Variants in CHD6 observed in about 807,000 individuals in gnomAD.
CHD6 encodes the protein chromodomain helicase DNA binding protein 6, also known as ATP-dependent chromatin remodeler CHD6.
Under a neutral mutation model 276.9 loss-of-function variants are expected in CHD6, and 50 were observed. The ratio of observed to expected loss-of-function variants is 0.18; its 90% CI spans 0.14 to 0.23. The LOEUF is 0.23. Among genes scored for constraint, CHD6 ranks in the 10% least tolerant of loss-of-function variants. The pLI is 1.00. For synonymous variants in CHD6, 1,173 were observed against 1,229.3 expected, an observed-to-expected ratio of 0.95 and a Z score of 0.96; for missense variants, 2,564 against 3,365.8, an observed-to-expected ratio of 0.76 and a Z score of 5.89.
intron 2 of CHD6, chr20:41,547,756 C>T: frequency 1.8e-6 from 1 of 542,792 alleles, no homozygotes; most frequent in East Asian, 4.9e-5. Context: ...ATTGTCAACA[C>T]TGCTCGACAG....
At chr20:41,428,688 T>C (rs991428105) in intron 27 of CHD6, among the ~76,000 whole-genome samples, 3 of 152,200 alleles carry the variant, frequency 2.0e-5, no homozygotes, top group South Asian at 2.1e-4. Flanking sequence ...GGAAAGCAGA[T>C]ATACCTCAAA....
intron 2 of CHD6, among the ~76,000 whole-genome samples, chr20:41,540,329 T>G (rs1027760727): frequency 3.3e-5 from 5 of 152,238 alleles, no homozygotes; most frequent in African/African-American, 4.8e-5. Context: ...AAAATGTTAA[T>G]AGTAATCATC....
At chr20:41,568,149 T>C (rs570710165) in intron 1 of CHD6, among the ~76,000 whole-genome samples, 6 of 124,018 alleles carry the variant, frequency 4.8e-5, no homozygotes, top group African/African-American at 1.5e-4. Context: ...TTAGACAAGA[T>C]AGATAGATAC....
chr20:41,431,666 C>T (rs2047541430), intron 27 of CHD6, among the ~76,000 whole-genome samples: 1 of 151,692 alleles, frequency 6.6e-6, no homozygotes, highest in Non-Finnish European at 1.5e-5. Flanking sequence ...ATAATTAAAC[C>T]CTCTGGATAG....
intron 1 of CHD6, among the ~76,000 whole-genome samples, chr20:41,601,490 C>G (rs970768628): frequency 6.6e-6 from 1 of 152,170 alleles, no homozygotes; most frequent in Non-Finnish European, 1.5e-5. Context: ...GGTCACCAGC[C>G]TCTAAGAGTG....
At chr20:41,582,623 A>G (rs1238983146) in intron 1 of CHD6, among the ~76,000 whole-genome samples, 1 of 152,238 alleles carries the variant, frequency 6.6e-6, no homozygotes, top group African/African-American at 2.4e-5. Context: ...AGCAGGGAAG[A>G]ACCCATATCA....
At chr20:41,492,873 A>G (rs1478095543) in intron 10 of CHD6, among the ~76,000 whole-genome samples, 2 of 152,248 alleles carry the variant, frequency 1.3e-5, no homozygotes, top group Non-Finnish European at 2.9e-5. Context: ...GTGAGCTGAG[A>G]TTGTGCCACT....
chr20:41,507,775 T>G (rs1237927984), intron 5 of CHD6, among the ~76,000 whole-genome samples: 1 of 152,220 alleles, frequency 6.6e-6, no homozygotes, highest in Non-Finnish European at 1.5e-5. Flanking sequence ...TTATATAATC[T>G]TAATATTTTA....
chr20:41,558,732 C>T (rs543299131), intron 1 of CHD6, among the ~76,000 whole-genome samples: 20 of 152,270 alleles, frequency 1.3e-4, no homozygotes, highest in African/African-American at 4.8e-4. Flanking sequence ...TCAGTCACCT[C>T]AGTCTCTTGA....
intron 20 of CHD6, 130 bp from the exon 21 acceptor site, chr20:41,453,072 T>C: frequency 1.5e-6 from 1 of 685,596 alleles, no homozygotes; most frequent in Non-Finnish European, 2.6e-6. Flanking sequence ...CGAAGGGCTA[T>C]TCCCAGCACA....
intron 1 of CHD6, among the ~76,000 whole-genome samples, chr20:41,601,250 A>C (rs1014213762): frequency 1.3e-5 from 2 of 152,224 alleles, no homozygotes; most frequent in Admixed American, 1.3e-4. Flanking sequence ...CCCTGAGATC[A>C]CATTTGCCAT....
intron 1 of CHD6, among the ~76,000 whole-genome samples, chr20:41,617,624 T>A (rs2045946050): frequency 6.6e-6 from 1 of 152,160 alleles, no homozygotes; most frequent in Non-Finnish European, 1.5e-5. Context: ...CAGATAGATC[T>A]TTTTTTAAAG....
chr20:41,558,212 G>T (rs367747500), intron 1 of CHD6, among the ~76,000 whole-genome samples: 5 of 152,290 alleles, frequency 3.3e-5, no homozygotes, highest in African/African-American at 1.2e-4. Flanking sequence ...TGCCAGGTGT[G>T]AGCAGTCTAC....
intron 1 of CHD6, among the ~76,000 whole-genome samples, chr20:41,558,993 G>A (rs765452836): frequency 1.3e-5 from 2 of 152,122 alleles, no homozygotes; most frequent in Admixed American, 6.5e-5. Context: ...GTGGAACAAC[G>A]ACTTTAAGTG....
chr20:41,559,250 A>C (rs1229213468), intron 1 of CHD6, among the ~76,000 whole-genome samples: 1 of 152,106 alleles, frequency 6.6e-6, no homozygotes, highest in Admixed American at 6.5e-5. Context: ...CAGGTGTGCA[A>C]TAAGCATTCT....
chr20:41,425,093 C>G (rs1310207796), intron 29 of CHD6, 85 bp downstream of exon 29: 1 of 1,011,638 alleles, frequency 9.9e-7, no homozygotes, highest in African/African-American at 1.6e-5. Context: ...CAGAAATATA[C>G]TCGCCCTCCA....
intron 27 of CHD6, among the ~76,000 whole-genome samples, chr20:41,430,010 C>T (rs911029595): frequency 1.3e-5 from 2 of 152,216 alleles, no homozygotes; most frequent in South Asian, 2.1e-4. Context: ...GCTTCTTTAA[C>T]TCTGCCTGAG....
At chr20:41,466,198 T>C (rs2042915791) in intron 17 of CHD6, among the ~76,000 whole-genome samples, 1 of 152,138 alleles carries the variant, frequency 6.6e-6, no homozygotes, top group Admixed American at 6.5e-5. Flanking sequence ...CAAGACTCCA[T>C]CCCAAAAAAA....
rs761093166 is a variant in CHD6, at chr20:41,439,981, G to A, written c.4007+19C>T. 3 of 1,613,070 alleles carry A rather than the reference G, an allele frequency of 1.9e-6. No individual in the cohort carries two copies. The highest frequency in any genetic ancestry group is 2.2e-5 in the East Asian group (1 of 44,844). Reference sequence around the variant, plus strand: ...TGGCATGGCATGTCACATGAGGGCTGGCCTACGTGGCTTCTCACCTTTCAG... The same window carrying A: ...TGGCATGGCATGTCACATGAGGGCTAGCCTACGTGGCTTCTCACCTTTCAG... On this transcript the variant is annotated intron_variant, in intron 26 of 36. Transcript: ENST00000373233.
Sources: gnomAD v4.1 joint callset for allele counts (sites outside exome capture counted in the v4.1 genomes callset) on GRCh38, gnomAD v4.1.1 for gene constraint, MANE v1.5 for transcripts, NCBI Gene and HGNC (gene_info 2026-07-23, HGNC 2026-07-21) for gene names.